The following WDR93 variants were observed in gnomAD, a reference collection of about 807,000 sequenced individuals.
WDR93 encodes the protein WD repeat-containing protein 93.
Under a neutral mutation model 82.9 loss-of-function variants are expected in WDR93, and 73 were observed. That is an observed-to-expected ratio of 0.88 (90% confidence interval 0.73 to 1.07). WDR93 has a LOEUF of 1.07. WDR93 is among the 50% of genes least tolerant of loss of function. The pLI is 0.00. For missense variants in WDR93, 738 were observed against 826.0 expected (o/e 0.89, Z 1.31); for synonymous variants, 283 against 300.1 (o/e 0.94, Z 0.59).
intron 16 of WDR93, among the ~76,000 whole-genome samples, chr15:89,742,918 A>G (rs1421225570): frequency 6.6e-6 from 1 of 152,230 alleles, no homozygotes; most frequent in Non-Finnish European, 1.5e-5. Context: ...TGACTGGCAT[A>G]TTTCAGTCAG....
chr15:89,717,611 T>C (rs988816457), intron 7 of WDR93, among the ~76,000 whole-genome samples: 5 of 152,224 alleles, frequency 3.3e-5, no homozygotes, highest in African/African-American at 1.2e-4. Flanking sequence ...TGTGTTCATA[T>C]GGTTATATAT....
At chr15:89,735,909 A>T (rs1967129014) in intron 14 of WDR93, among the ~76,000 whole-genome samples, 1 of 152,106 alleles carries the variant, frequency 6.6e-6, no homozygotes, top group Non-Finnish European at 1.5e-5. Flanking sequence ...GAGCCAGAGG[A>T]GTTGAGAAGG....
rs188128327 is a variant in WDR93, at chr15:89,707,393, A to G, written c.561+1775A>G. On this transcript the variant is annotated intron_variant, in intron 4 of 16. Transcript: ENST00000268130. ...TGGTGAAACCCCATCTCTACTAAAA[A>G]TACAAAAATTAGTTGAGCATGGTGG... Among the ~76,000 whole-genome samples the G allele has an allele frequency of 6.8e-3, 1,039 of 152,258 alleles. 11 individuals carry two copies. Among genetic ancestry groups the G allele is most frequent in the African/African-American group, 0.024 (998 of 41,536 alleles).
In WDR93 at chr15:89,735,556, A is replaced by T. The variant is rs772394922; in HGVS notation, c.1608+3A>T. On this transcript the variant is annotated splice_donor_region_variant and intron_variant, in intron 14 of 16. Coordinates refer to ENST00000268130, the MANE Select transcript of WDR93 (RefSeq NM_020212.2). ...CAGTCCCAGCCTTACCTGGCATGGT[A>T]GGTTCCCCATGCCTCTCTGTAAATG... The T allele has an allele frequency of 1.9e-6, 3 of 1,613,762 alleles. No homozygotes were observed. The highest frequency in any genetic ancestry group is 1.1e-5 in the South Asian group (1 of 91,078).
intron 13 of WDR93, among the ~76,000 whole-genome samples, chr15:89,734,890 G>T (rs940182566): frequency 6.6e-6 from 1 of 152,098 alleles, no homozygotes; most frequent in Non-Finnish European, 1.5e-5. Context: ...TCTCTAAACA[G>T]TATATTATTT....
At position 89,731,460 on chromosome 15, in the gene WDR93, CCCTGTGCTG is replaced by C; in HGVS notation, c.1230_1238del (p.Cys411_Ala413del). On this transcript the variant is annotated inframe_deletion, in exon 12 of 17. Coordinates refer to ENST00000268130, the MANE Select transcript of WDR93 (RefSeq NM_020212.2). Reference sequence around the variant, plus strand: ...CCCCCTAGACCCCGAGGGTGTGTGGCCCTGTGCTGCGCCCATTGCAGTCTCTCAGCTCAG... The same window carrying C: ...CCCCCTAGACCCCGAGGGTGTGTGGCCGCCCATTGCAGTCTCTCAGCTCAG... The C allele has an allele frequency of 1.2e-6, 2 of 1,614,168 alleles. No homozygotes were observed. The highest frequency in any genetic ancestry group is 2.2e-5 in the East Asian group (1 of 44,878).
At chr15:89,720,957 C>CA (rs5814399) in intron 7 of WDR93, among the ~76,000 whole-genome samples, 65,078 of 151,890 alleles carry the variant, frequency 0.43, 14,471 homozygotes, top group African/African-American at 0.49. Flanking sequence ...TTTCTTCTTT[C>CA]ACTCTTACGA....
chr15:89,693,951 A>G (rs1288107454), intron 1 of WDR93, among the ~76,000 whole-genome samples: 1 of 152,198 alleles, frequency 6.6e-6, no homozygotes, highest in Non-Finnish European at 1.5e-5. Flanking sequence ...TGGCCTCCAC[A>G]TTAGCGTTTT....
At chr15:89,736,915 C>T (rs1025019639) in intron 14 of WDR93, among the ~76,000 whole-genome samples, 4 of 151,962 alleles carry the variant, frequency 2.6e-5, no homozygotes, top group Non-Finnish European at 5.9e-5. Context: ...CCTCAGCCTC[C>T]CGAGTAGCTG....
intron 13 of WDR93, 43 bp downstream of exon 13, chr15:89,733,262 T>G (rs1381993307): frequency 1.3e-6 from 2 of 1,566,664 alleles, no homozygotes; most frequent in Non-Finnish European, 1.7e-6. Context: ...ATTGGCCAGA[T>G]TATTTTAATT....
At position 89,710,153 on chromosome 15, in the gene WDR93, C is replaced by T. The variant is rs972889567; in HGVS notation, c.562-1873C>T. Reference sequence around the variant, plus strand: ...CCAGCTTGGACGACAGAGTGAGACTCCGTCTCAAAACAAAAACAAAAACGA... The same window carrying T: ...CCAGCTTGGACGACAGAGTGAGACTTCGTCTCAAAACAAAAACAAAAACGA... On this transcript the variant is annotated intron_variant, in intron 4 of 16. Coordinates refer to ENST00000268130, the MANE Select transcript of WDR93 (RefSeq NM_020212.2). 1.5e-3 allele frequency among the ~76,000 whole-genome samples: 225 copies of T among 152,258 alleles called. 1 individual carries two copies. Among genetic ancestry groups the T allele is most frequent in the Non-Finnish European group, 2.1e-4 (14 of 68,020 alleles).
At chr15:89,741,653 A>G (rs919070367) in intron 16 of WDR93, among the ~76,000 whole-genome samples, 6 of 152,302 alleles carry the variant, frequency 3.9e-5, no homozygotes, top group African/African-American at 1.4e-4. Flanking sequence ...AACACAAAAT[A>G]TGGTGCATCT....
At chr15:89,731,305 G>T (rs1222874555) in intron 11 of WDR93, 138 bp from the exon 12 acceptor site, 1 of 1,231,854 alleles carries the variant, frequency 8.1e-7, no homozygotes, top group Non-Finnish European at 1.1e-6. Context: ...AGAGAAGGAT[G>T]ATGGTGAGTC....
chr15:89,735,131 C>G (rs1967056712), intron 13 of WDR93, among the ~76,000 whole-genome samples: 1 of 152,102 alleles, frequency 6.6e-6, no homozygotes, highest in Non-Finnish European at 1.5e-5. Context: ...GCTGGGCCCC[C>G]AAAGTGCTGG....
At chr15:89,713,725 G>A (rs1359167208) in intron 5 of WDR93, among the ~76,000 whole-genome samples, 1 of 152,032 alleles carries the variant, frequency 6.6e-6, no homozygotes, top group African/African-American at 2.4e-5. Flanking sequence ...CGCCCGCCTC[G>A]GCCTCTGAAA....
At chr15:89,702,173 AAGATT>A in intron 2 of WDR93, 124 bp downstream of exon 2, 1 of 1,086,492 alleles carries the variant, frequency 9.2e-7, no homozygotes, top group Non-Finnish European at 1.3e-6. Context: ...GCATTTTTGA[AAGATT>A]AGAAGCATGC....
In WDR93 at chr15:89,705,391, A is replaced by AG. The variant is rs1373791461; in HGVS notation, c.497-161dup. 6.2e-6 allele frequency: 4 copies of AG among 640,094 alleles called. No individual in the cohort carries two copies. The Admixed American group carries it at 1.1e-4, about 18-fold the overall frequency. The allele number at this position is 640,094 out of a possible 1,614,324, so 39.7% of individuals were successfully genotyped here. A position where few individuals can be genotyped will look rare whatever the true frequency, so the allele number is the denominator to read the frequency against. On this transcript the variant is annotated intron_variant, in intron 3 of 16. Coordinates refer to ENST00000268130, the MANE Select transcript of WDR93 (RefSeq NM_020212.2). ...CCGAACATTCAAGAGGGGTGGAGGA[A>AG]GGCAGGGAGACCAAGAGCAGCATAG... is the stretch of plus-strand genomic sequence containing the variant.
At chr15:89,693,957 G>A (rs1029401708) in intron 1 of WDR93, among the ~76,000 whole-genome samples, 1 of 152,130 alleles carries the variant, frequency 6.6e-6, no homozygotes, top group Admixed American at 6.5e-5. Context: ...CCACATTAGC[G>A]TTTTAAGAAA....
At chr15:89,697,148 G>C (rs1965220136) in intron 1 of WDR93, among the ~76,000 whole-genome samples, 1 of 151,914 alleles carries the variant, frequency 6.6e-6, no homozygotes, top group Non-Finnish European at 1.5e-5. Flanking sequence ...TTGTAGAGAT[G>C]GGGTCTCACT....
Sources: allele counts gnomAD v4.1 joint callset (sites outside exome capture counted in the v4.1 genomes callset), GRCh38; gene constraint gnomAD v4.1.1; transcripts MANE v1.5; gene names NCBI Gene and HGNC (gene_info 2026-07-23, HGNC 2026-07-21).